MAD1L1: variants seen among roughly 807,000 people sequenced by gnomAD.
The protein encoded by MAD1L1 is mitotic spindle assembly checkpoint protein MAD1.
MAD1L1 carries 95 observed loss-of-function variants against 96.9 expected under a neutral mutation model. The observed-to-expected ratio is 0.98, with a 90% CI of 0.83 to 1.16. The LOEUF is 1.16. Among genes scored for constraint, MAD1L1 ranks in the 50% most tolerant of loss-of-function variants. MAD1L1 has a pLI of 0.00. For missense variants in MAD1L1, 1,007 were observed against 954.4 expected, an observed-to-expected ratio of 1.06 and a Z score of -0.73; for synonymous variants, 473 against 396.6, an observed-to-expected ratio of 1.19 and a Z score of -2.29.
rs10239103 is a variant in MAD1L1, at chr7:1,856,809, C to T, written c.1999-40581G>A. On this transcript the variant is annotated intron_variant, in intron 18 of 18. Coordinates refer to ENST00000265854, the MANE Select transcript of MAD1L1 (RefSeq NM_001013836.2). Reference sequence around the variant, plus strand: ...CCAACCCTGGAACGTGGTCTCGGGCCACAACGGCTGGAGGGACTCCTGCGG... The same window carrying T: ...CCAACCCTGGAACGTGGTCTCGGGCTACAACGGCTGGAGGGACTCCTGCGG... Among the ~76,000 whole-genome samples, 1,164 of 152,236 alleles carry T rather than the reference C, an allele frequency of 7.6e-3. 14 individuals are homozygous for T. Among genetic ancestry groups the T allele is most frequent in the African/African-American group, 0.027 (1,103 of 41,544 alleles).
chr7:2,032,409 G>A (rs1783268573), intron 12 of MAD1L1, among the ~76,000 whole-genome samples: 1 of 152,184 alleles, frequency 6.6e-6, no homozygotes, highest in African/African-American at 2.4e-5. Context: ...GCCCAGCCCT[G>A]GGCTCTAATA....
intron 11 of MAD1L1, among the ~76,000 whole-genome samples, chr7:2,140,872 A>G (rs1788993671): frequency 6.6e-6 from 1 of 152,264 alleles, no homozygotes; most frequent in Non-Finnish European, 1.5e-5. Flanking sequence ...CTTGAATAAA[A>G]GGGGGAGTTT....
chr7:1,913,791 G>A (rs1188815837), intron 17 of MAD1L1, among the ~76,000 whole-genome samples: 2 of 152,126 alleles, frequency 1.3e-5, no homozygotes, highest in Non-Finnish European at 2.9e-5. Flanking sequence ...TCCGGATTCC[G>A]TGGGGAGTGG....
chr7:2,011,300 T>C (rs1226985226), intron 13 of MAD1L1, among the ~76,000 whole-genome samples: 1 of 152,120 alleles, frequency 6.6e-6, no homozygotes, highest in Non-Finnish European at 1.5e-5. Context: ...GCACAGAGGG[T>C]GCAGCCACCC....
chr7:2,221,078 G>A (rs1341903466), intron 5 of MAD1L1: 11 of 1,572,688 alleles, frequency 7.0e-6, no homozygotes, highest in African/African-American at 1.3e-5. Context: ...TCCCTGAGGA[G>A]CGGCCACCTC....
intron 10 of MAD1L1, among the ~76,000 whole-genome samples, chr7:2,190,130 G>T (rs1414543042): frequency 1.3e-5 from 2 of 152,152 alleles, no homozygotes; most frequent in African/African-American, 2.4e-5. Context: ...GAAAAAGCTG[G>T]AGGGCTTACT....
chr7:2,076,230 G>A (rs986698418), intron 11 of MAD1L1, among the ~76,000 whole-genome samples: 3 of 152,204 alleles, frequency 2.0e-5, no homozygotes, highest in Non-Finnish European at 2.9e-5. Flanking sequence ...TGCCTGTGTC[G>A]TCCCAAGTTC....
chr7:2,027,758 G>A (rs560901637), intron 12 of MAD1L1, among the ~76,000 whole-genome samples: 8 of 152,270 alleles, frequency 5.3e-5, no homozygotes, highest in South Asian at 2.1e-4. Context: ...TCGTCAGCAC[G>A]ATCTTTAACA....
intron 17 of MAD1L1, among the ~76,000 whole-genome samples, chr7:1,921,673 T>A (rs1171725361): frequency 6.6e-6 from 1 of 152,036 alleles, no homozygotes; most frequent in Non-Finnish European, 1.5e-5. Flanking sequence ...AGAAAACCTT[T>A]AAGTCAAAAA....
chr7:2,175,441 TGAAATAG>T (rs1790900223), intron 10 of MAD1L1: 1 of 142,260 alleles, frequency 7.0e-6, no homozygotes, highest in South Asian at 2.2e-4. Flanking sequence ...TTCCAGCTTC[TGAAATAG>T]GAATGCTATG....
chr7:2,202,311 A>G (rs1278187006), intron 10 of MAD1L1, among the ~76,000 whole-genome samples: 2 of 152,218 alleles, frequency 1.3e-5, no homozygotes, highest in African/African-American at 2.4e-5. Context: ...GGTTGAGAAG[A>G]GGAGAGATGG....
intron 18 of MAD1L1, chr7:1,847,888 A>G (rs545938716): frequency 7.4e-5 from 27 of 364,958 alleles, no homozygotes; most frequent in South Asian, 4.9e-4. Flanking sequence ...GTGACCTGCA[A>G]TGCTCCCACT....
intron 10 of MAD1L1, among the ~76,000 whole-genome samples, chr7:2,185,630 ATT>A (rs576535924): frequency 1.3e-4 from 19 of 150,600 alleles, no homozygotes; most frequent in Non-Finnish European, 2.5e-4. Flanking sequence ...ATGCTTCTAG[ATT>A]TTTTTTTTCC....
intron 18 of MAD1L1, among the ~76,000 whole-genome samples, chr7:1,881,943 T>C (rs974767344): frequency 1.3e-5 from 2 of 152,176 alleles, no homozygotes; most frequent in African/African-American, 2.4e-5. Flanking sequence ...GGTGCCACGG[T>C]AGAAGGGTGA....
intron 18 of MAD1L1, among the ~76,000 whole-genome samples, chr7:1,871,523 G>A (rs1390922846): frequency 1.6e-5 from 2 of 124,132 alleles, no homozygotes; most frequent in Non-Finnish European, 3.3e-5. Flanking sequence ...CATAACACCT[G>A]CCACGCCGAA....
chr7:1,872,749 G>C (rs1307671655), intron 18 of MAD1L1: 2 of 152,272 alleles, frequency 1.3e-5, no homozygotes, highest in African/African-American at 4.8e-5. Flanking sequence ...GTGATATGGA[G>C]AAACGCTTGC....
intron 17 of MAD1L1, among the ~76,000 whole-genome samples, chr7:1,913,936 C>T (rs1273215202): frequency 6.6e-6 from 1 of 152,122 alleles, no homozygotes. Flanking sequence ...GGTGGCCACG[C>T]TGGAGGGAAC....
intron 12 of MAD1L1, among the ~76,000 whole-genome samples, chr7:2,056,970 A>G (rs866797775): frequency 2.0e-5 from 3 of 152,192 alleles, no homozygotes; most frequent in Non-Finnish European, 4.4e-5. Flanking sequence ...ACGGTCTAGC[A>G]CGGCAGATGG....
At chr7:1,831,296 T>A (rs564237329) in intron 18 of MAD1L1, among the ~76,000 whole-genome samples, 1 of 152,348 alleles carries the variant, frequency 6.6e-6, no homozygotes, top group African/African-American at 2.4e-5. Flanking sequence ...GATGTCACCA[T>A]TGTAATGGTT....
Sources: gnomAD v4.1 joint callset for allele counts (sites outside exome capture counted in the v4.1 genomes callset) on GRCh38, gnomAD v4.1.1 for gene constraint, MANE v1.5 for transcripts, NCBI Gene and HGNC (gene_info 2026-07-23, HGNC 2026-07-21) for gene names.